Variants in RABL6 observed in about 807,000 individuals in gnomAD.
RABL6 encodes the protein RAB, member RAS oncogene family like 6.
Under a neutral mutation model 72.9 loss-of-function variants are expected in RABL6, and 28 were observed. The ratio of observed to expected loss-of-function variants is 0.38; its 90% CI spans 0.28 to 0.53. RABL6 has a LOEUF of 0.53. Ranked by LOEUF, RABL6 falls within the 20% of genes least tolerant of loss-of-function variation. The pLI, the probability that RABL6 is intolerant of heterozygous loss-of-function variation, is 0.80. For synonymous variants in RABL6, 477 were observed against 421.2 expected, an observed-to-expected ratio of 1.13 and a Z score of -1.62; for missense variants, 1,029 against 1,008.4, an observed-to-expected ratio of 1.02 and a Z score of -0.28.
At chr9:136,814,140 A>C (rs1315252465) in intron 1 of RABL6, 1 of 316,058 alleles carries the variant, frequency 3.2e-6, no homozygotes. Flanking sequence ...CCATTCTGAC[A>C]TCCACAACAG....
chr9:136,840,062 C>G, intron 13 of RABL6, 92 bp from the exon 14 acceptor site: 1 of 1,571,504 alleles, frequency 6.4e-7, no homozygotes, highest in Admixed American at 1.7e-5. Flanking sequence ...GGCTGGGGCT[C>G]GCTGCTTTGT....
rs763138586 is a variant in RABL6 at position 136,840,418 on chromosome 9, C to G, written c.2086C>G (p.Pro696Ala). 2 of 1,549,974 alleles carry G rather than the reference C, an allele frequency of 1.3e-6. No individual in the cohort carries two copies. The highest frequency in any genetic ancestry group is 1.7e-6 in the Non-Finnish European group (2 of 1,146,984). ...EERRRRQQRP[P>A]RSRERTAADE... ...GCGGCGACGGCGGCAGCAGCGGCCC[C>G]CGCGCAGCAGGGAGAGGACGGCTGC... is the stretch of plus-strand genomic sequence containing the variant. The change falls in exon 15 of 15, where the codon CCG (proline) becomes GCG (alanine). Residue 696 changes from proline to alanine, a missense_variant. This residue lies in a region of RABL6 where 595 missense variants were observed against 472.4 expected (regional missense o/e 1.26). Coordinates refer to ENST00000311502, the MANE Select transcript of RABL6 (RefSeq NM_024718.5).
intron 2 of RABL6, among the ~76,000 whole-genome samples, chr9:136,825,463 G>A (rs1343488427): frequency 4.0e-5 from 6 of 148,518 alleles, no homozygotes; most frequent in South Asian, 4.2e-4. Flanking sequence ...GGGAGGGGCC[G>A]TGCCCAGGAT....
chr9:136,823,431 C>T lies in RABL6; in HGVS notation c.131-94C>T. 13 of 1,488,790 alleles carry T rather than the reference C, an allele frequency of 8.7e-6. No individual in the cohort carries two copies. The South Asian group carries it at 1.5e-4, about 17-fold the overall frequency. The allele number at this position is 1,488,790 out of a possible 1,614,324, so 92.2% of individuals were successfully genotyped here. A position where few individuals can be genotyped will look rare whatever the true frequency, so the allele number is the denominator to read the frequency against. On this transcript the variant is annotated intron_variant, in intron 1 of 14. Coordinates refer to ENST00000311502, the MANE Select transcript of RABL6 (RefSeq NM_024718.5). ...CTAGCAAGAAAGATGAAACAGGTGG[C>T]AGCAGAACCGGCTCTCCTTGTAGTT...
intron 7 of RABL6, chr9:136,834,619 C>T: frequency 2.8e-6 from 1 of 353,120 alleles, no homozygotes; most frequent in Non-Finnish European, 4.0e-6. Context: ...GCTGGGATTA[C>T]AGGCGCCTGC....
chr9:136,819,132 C>G (rs1185974530), intron 1 of RABL6, among the ~76,000 whole-genome samples: 1 of 152,056 alleles, frequency 6.6e-6, no homozygotes, highest in Non-Finnish European at 1.5e-5. Flanking sequence ...ACCATCCTGG[C>G]TAACATGGTG....
chr9:136,822,505 C>T (rs1284837032), intron 1 of RABL6, among the ~76,000 whole-genome samples: 1 of 152,234 alleles, frequency 6.6e-6, no homozygotes, highest in Non-Finnish European at 1.5e-5. Flanking sequence ...CGCACAGCTT[C>T]TCGGTCATTC....
chr9:136,825,843 C>T lies in RABL6; in HGVS notation c.313+17C>T, dbSNP rs1443063652. 3 of 1,605,328 alleles carry T rather than the reference C, an allele frequency of 1.9e-6. No homozygotes were observed. The highest frequency in any genetic ancestry group is 1.1e-5 in the South Asian group (1 of 90,922). ...TAGACAAAGGTGAGGCGTCTCTGTT[C>T]TGTGTCTGCTTCTCTCTGGGACTGT... is the stretch of plus-strand genomic sequence containing the variant. On this transcript the variant is annotated intron_variant, in intron 3 of 14. Transcript: ENST00000311502.
intron 1 of RABL6, among the ~76,000 whole-genome samples, chr9:136,818,830 A>T (rs371005732): frequency 6.6e-6 from 1 of 152,276 alleles, no homozygotes; most frequent in South Asian, 2.1e-4. Context: ...AAAAGAAGAA[A>T]CTACCAGAAG....
intron 1 of RABL6, chr9:136,808,826 C>T (rs1847934978): frequency 8.6e-6 from 1 of 115,632 alleles, no homozygotes; most frequent in African/African-American, 3.4e-5. Context: ...TTAGCTACGC[C>T]ACACATTCTC....
chr9:136,833,987 C>T, intron 7 of RABL6: 1 of 1,522,766 alleles, frequency 6.6e-7, no homozygotes, highest in Non-Finnish European at 8.8e-7. Flanking sequence ...CCTTCCAAAG[C>T]CTCCCAGGGA....
At chr9:136,830,727 C>T (rs184298834) in intron 5 of RABL6, among the ~76,000 whole-genome samples, 5 of 152,362 alleles carry the variant, frequency 3.3e-5, no homozygotes, top group South Asian at 2.1e-4. Context: ...GGCTGCCGTG[C>T]GAGGAGTGGG....
intron 5 of RABL6, among the ~76,000 whole-genome samples, chr9:136,829,738 C>T (rs1303462088): frequency 6.6e-6 from 1 of 152,264 alleles, no homozygotes; most frequent in East Asian, 1.9e-4. Context: ...AGGCACGCAC[C>T]TTCCATAGCC....
At chr9:136,840,053 G>T in intron 13 of RABL6, 101 bp from the exon 14 acceptor site, 7 of 1,553,366 alleles carry the variant, frequency 4.5e-6, no homozygotes, top group Non-Finnish European at 8.9e-7. Context: ...CTCCTGGAGG[G>T]CTGGGGCTCG....
At chr9:136,830,038 C>T (rs529562918) in intron 5 of RABL6, among the ~76,000 whole-genome samples, 12 of 152,330 alleles carry the variant, frequency 7.9e-5, no homozygotes, top group African/African-American at 2.6e-4. Flanking sequence ...GGGGGTGCTG[C>T]GGACGCACAC....
At chr9:136,829,670 T>C (rs527809056) in intron 5 of RABL6, among the ~76,000 whole-genome samples, 186 bp downstream of exon 5, 52 of 152,364 alleles carry the variant, frequency 3.4e-4, no homozygotes, top group African/African-American at 1.2e-3. Context: ...GGGCAACGAC[T>C]ATGCCTGTGC....
At chr9:136,839,195 T>C (rs1337602002) in intron 11 of RABL6, 27 bp from the exon 12 acceptor site, 2 of 1,595,784 alleles carry the variant, frequency 1.3e-6, no homozygotes, top group South Asian at 2.2e-5. Flanking sequence ...CAGAGGACCC[T>C]GACTGACCCT....
rs1343178371 is a variant in RABL6, at chr9:136,826,428, G to GC, written c.313+606dup. Among the ~76,000 whole-genome samples, 1 of 152,114 alleles carries GC rather than the reference G, an allele frequency of 6.6e-6. No individual in the cohort carries two copies. Among genetic ancestry groups the GC allele is most frequent in the Non-Finnish European group, 1.5e-5 (1 of 68,014 alleles). ...TGTGTGCAGGGCTGGCCACGTGCAC[G>GC]CCCCGGCCTCACAGGCCTGGCTGTG... On this transcript the variant is annotated intron_variant, in intron 3 of 14. Coordinates refer to ENST00000311502, the MANE Select transcript of RABL6 (RefSeq NM_024718.5). The surrounding 1 kb of genome is among the most constrained non-coding windows in gnomAD (Gnocchi z 4.9).
At chr9:136,810,274 C>T (rs1564356459) in intron 1 of RABL6, among the ~76,000 whole-genome samples, 1 of 152,130 alleles carries the variant, frequency 6.6e-6, no homozygotes, top group South Asian at 2.1e-4. Context: ...ACCTCATGCA[C>T]CAGGACCACC....
Sources: gnomAD v4.1 joint callset for allele counts (sites outside exome capture counted in the v4.1 genomes callset) on GRCh38, gnomAD v4.1.1 for gene constraint, gnomAD v4.1.1 regional missense constraint, Gnocchi (gnomAD v3.1) non-coding constraint, MANE v1.5 for transcripts, NCBI Gene and HGNC (gene_info 2026-07-23, HGNC 2026-07-21) for gene names.